Variants in CTNNA3 observed in about 807,000 individuals in gnomAD.
The protein encoded by CTNNA3 is catenin alpha 3.
Under a neutral mutation model 95.7 loss-of-function variants are expected in CTNNA3, and 76 were observed. That is an observed-to-expected ratio of 0.79 (90% CI 0.66 to 0.96). The LOEUF (loss-of-function observed/expected upper bound fraction) is 0.96. Among genes scored for constraint, CTNNA3 ranks in the 40% least tolerant of loss-of-function variants. The pLI is 0.00. For synonymous variants in CTNNA3, 431 were observed against 374.4 expected (o/e 1.15, Z -1.74); for missense variants, 1,191 against 1,089.8 (o/e 1.09, Z -1.31).
intron 10 of CTNNA3, among the ~76,000 whole-genome samples, chr10:66,532,213 A>G (rs1841490758): frequency 6.6e-6 from 1 of 152,192 alleles, no homozygotes. Flanking sequence ...CTGTAATCCC[A>G]GCCTTTTAGG....
intron 9 of CTNNA3, among the ~76,000 whole-genome samples, chr10:66,627,250 T>A (rs926729761): frequency 6.6e-6 from 1 of 152,088 alleles, no homozygotes; most frequent in Non-Finnish European, 1.5e-5. Flanking sequence ...CTCCCTTTGG[T>A]AATAACACTG....
intron 15 of CTNNA3, among the ~76,000 whole-genome samples, chr10:66,029,325 C>T (rs568315128): frequency 7.2e-5 from 11 of 152,232 alleles, no homozygotes; most frequent in African/African-American, 2.6e-4. Context: ...CTCACTGGAT[C>T]TGTCCCCACC....
intron 7 of CTNNA3, among the ~76,000 whole-genome samples, chr10:66,945,269 T>C (rs938488204): frequency 3.9e-5 from 6 of 152,238 alleles, no homozygotes; most frequent in Non-Finnish European, 8.8e-5. Flanking sequence ...ATCTTCTGAA[T>C]AACTTGTTGC....
chr10:66,058,060 T>C (rs1293250579), intron 15 of CTNNA3, among the ~76,000 whole-genome samples: 2 of 152,186 alleles, frequency 1.3e-5, no homozygotes, highest in African/African-American at 2.4e-5. Context: ...CTGTGTGTGC[T>C]ACAATATTTA....
chr10:66,242,861 T>C (rs2090163397), intron 13 of CTNNA3, among the ~76,000 whole-genome samples: 1 of 152,192 alleles, frequency 6.6e-6, no homozygotes, highest in Non-Finnish European at 1.5e-5. Context: ...TAATAGTCCA[T>C]AAAATGAGAA....
At chr10:67,210,537 G>A (rs77219909) in intron 6 of CTNNA3, among the ~76,000 whole-genome samples, 1 of 152,200 alleles carries the variant, frequency 6.6e-6, no homozygotes, top group East Asian at 1.9e-4. Flanking sequence ...AGGAATGACT[G>A]AATCAAGCTA....
At chr10:67,510,182 T>C (rs1169849909) in intron 5 of CTNNA3, among the ~76,000 whole-genome samples, 1 of 152,216 alleles carries the variant, frequency 6.6e-6, no homozygotes, top group African/African-American at 2.4e-5. Flanking sequence ...GCAGAAGCTC[T>C]TTAGTTTAAT....
intron 7 of CTNNA3, among the ~76,000 whole-genome samples, chr10:66,809,232 AATAC>A (rs1446948926): frequency 3.3e-5 from 5 of 152,164 alleles, no homozygotes; most frequent in Admixed American, 6.6e-5. Context: ...GGAATTATTA[AATAC>A]ATACATCTAT....
chr10:66,389,190 T>C lies in CTNNA3; in HGVS notation c.1532-9838A>G, dbSNP rs560646722. On this transcript the variant is annotated intron_variant, in intron 11 of 17. Coordinates refer to ENST00000433211, the MANE Select transcript of CTNNA3 (RefSeq NM_013266.4). ...GTTTACTCTTTAAACACAGCAAAAG[T>C]CATTTGGTTCTCTCCTCAAAAATTT... Among the ~76,000 whole-genome samples the C allele has an allele frequency of 2.6e-5, 4 of 151,572 alleles. No individual in the cohort carries two copies. The South Asian group carries it at 8.4e-4, about 32-fold the overall frequency.
intron 7 of CTNNA3, among the ~76,000 whole-genome samples, chr10:66,776,836 C>T (rs1054876534): frequency 2.6e-5 from 4 of 152,116 alleles, no homozygotes; most frequent in African/African-American, 9.7e-5. Context: ...TGTGCATCCC[C>T]CTTATGATAC....
chr10:66,702,741 T>C (rs1375613961), intron 9 of CTNNA3, among the ~76,000 whole-genome samples: 1 of 109,020 alleles, frequency 9.2e-6, no homozygotes, highest in African/African-American at 3.1e-5. Context: ...TAAGTAGTAG[T>C]AGTAGTAGTA....
Position 65,956,099 on chromosome 10 carries a change from T to C in CTNNA3, c.2400+10513A>G, listed in dbSNP as rs146155304. Among the ~76,000 whole-genome samples, 588 of 152,314 alleles carry C rather than the reference T, an allele frequency of 3.9e-3. 4 individuals are homozygous for C. Among genetic ancestry groups the C allele is most frequent in the African/African-American group, 0.013 (556 of 41,574 alleles). ...TTGGTCTATTCAGGGATTCAACTTC[T>C]TCCTGGTTTAGTCTTGGGAGGGTGT... On this transcript the variant is annotated intron_variant, in intron 17 of 17. Coordinates refer to ENST00000433211, the MANE Select transcript of CTNNA3 (RefSeq NM_013266.4).
At position 66,406,960 on chromosome 10, in the gene CTNNA3, T is replaced by G. The variant is rs567728149; in HGVS notation, c.1532-27608A>C. ...TTTTAAAAGGTTTCTGAATAAAATT[T>G]TCTTTCAAAGGATTTTATTTACATA... On this transcript the variant is annotated intron_variant, in intron 11 of 17. Coordinates refer to ENST00000433211, the MANE Select transcript of CTNNA3 (RefSeq NM_013266.4). 1.6e-4 allele frequency among the ~76,000 whole-genome samples: 24 copies of G among 152,298 alleles called. 1 individual carries two copies. The highest frequency in any genetic ancestry group is 1.6e-3 in the Admixed American group (24 of 15,294).
intron 12 of CTNNA3, among the ~76,000 whole-genome samples, chr10:66,297,327 A>T (rs1211203980): frequency 1.8e-4 from 27 of 152,184 alleles, no homozygotes; most frequent in Admixed American, 1.8e-3. Flanking sequence ...ATAAATGCTG[A>T]GACAGAATAA....
At chr10:67,075,335 G>T (rs186336077) in intron 7 of CTNNA3, among the ~76,000 whole-genome samples, 225 of 152,150 alleles carry the variant, frequency 1.5e-3, no homozygotes, top group African/African-American at 5.2e-3. Context: ...GTATTAACAA[G>T]AACAAGTATT....
intron 15 of CTNNA3, 97 bp from the exon 16 acceptor site, chr10:65,988,894 T>C (rs2078482301): frequency 1.3e-6 from 1 of 752,572 alleles, no homozygotes; most frequent in Non-Finnish European, 2.2e-6. Flanking sequence ...TATGCGTCCA[T>C]CCATCCGCAT....
At chr10:67,531,326 T>C (rs543012319) in intron 4 of CTNNA3, among the ~76,000 whole-genome samples, 1 of 152,154 alleles carries the variant, frequency 6.6e-6, no homozygotes, top group South Asian at 2.1e-4. Flanking sequence ...AGGAAGGCTG[T>C]ATCCCGCAAA....
intron 7 of CTNNA3, among the ~76,000 whole-genome samples, chr10:67,052,980 C>A (rs1428504816): frequency 6.6e-6 from 1 of 152,146 alleles, no homozygotes; most frequent in East Asian, 1.9e-4. Context: ...TGTACTTACA[C>A]TGACTATGTG....
At chr10:67,142,909 A>C (rs1330110238) in intron 7 of CTNNA3, among the ~76,000 whole-genome samples, 1 of 151,946 alleles carries the variant, frequency 6.6e-6, no homozygotes, top group Non-Finnish European at 1.5e-5. Flanking sequence ...TCCAGCCTGG[A>C]GACAGAGCAA....
Sources: allele counts gnomAD v4.1 joint callset (sites outside exome capture counted in the v4.1 genomes callset), GRCh38; gene constraint gnomAD v4.1.1; transcripts MANE v1.5; gene names NCBI Gene and HGNC (gene_info 2026-07-23, HGNC 2026-07-21).